NLK: variants seen among roughly 807,000 people sequenced by gnomAD.
The protein encoded by NLK is serine/threonine-protein kinase NLK.
NLK carries 11 observed loss-of-function variants against 59.0 expected under a neutral mutation model. The observed-to-expected ratio is 0.19, with a 90% confidence interval of 0.12 to 0.31. The LOEUF is 0.31. Ranked by LOEUF, NLK falls within the 10% of genes least tolerant of loss-of-function variation. The pLI is 1.00. For synonymous variants in NLK, 235 were observed against 235.9 expected, an observed-to-expected ratio of 1.00 and a Z score of 0.03; for missense variants, 410 against 661.1, an observed-to-expected ratio of 0.62 and a Z score of 4.16.
Position 28,186,197 on chromosome 17 carries a change from G to T in NLK, c.1236+932G>T, listed in dbSNP as rs185721619. On this transcript the variant is annotated intron_variant, in intron 8 of 10. Coordinates refer to ENST00000407008, the MANE Select transcript of NLK (RefSeq NM_016231.5). Reference sequence around the variant, plus strand: ...TTACCAAAGTTATTAAGTTTACATTGGTCCATTTGTAGTGAGAAAGCTGCA... The same window carrying T: ...TTACCAAAGTTATTAAGTTTACATTTGTCCATTTGTAGTGAGAAAGCTGCA... Among the ~76,000 whole-genome samples, 5 of 152,272 alleles carry T rather than the reference G, an allele frequency of 3.3e-5. No individual in the cohort carries two copies. In the East Asian group the frequency reaches 9.6e-4, roughly 29 times the overall value.
rs766423806 is a variant in NLK, at chr17:28,084,454, G to A, written c.459-38149G>A. Among the ~76,000 whole-genome samples, 8 of 152,304 alleles carry A rather than the reference G, an allele frequency of 5.3e-5. No homozygotes were observed. The East Asian group carries it at 1.5e-3, about 29-fold the overall frequency. ...TAGAATCAGGAACAGAAAGAACCCAGCCTCCTAAGTGCCAATCCAAAAAGA... is the reference window on the plus strand; with the variant it reads ...TAGAATCAGGAACAGAAAGAACCCAACCTCCTAAGTGCCAATCCAAAAAGA... On this transcript the variant is annotated intron_variant, in intron 1 of 10. Transcript: ENST00000407008.
At chr17:28,061,910 TAC>T (rs1909668309) in intron 1 of NLK, 1 of 143,278 alleles carries the variant, frequency 7.0e-6, no homozygotes, top group South Asian at 2.1e-4. Flanking sequence ...CATACATATA[TAC>T]ATATATATAC....
At position 28,185,189 on chromosome 17, in the gene NLK, C is replaced by G; in HGVS notation, c.1160C>G (p.Pro387Arg). The G allele has an allele frequency of 6.3e-7, 1 of 1,577,834 alleles. No homozygotes were observed. The highest frequency in any genetic ancestry group is 8.6e-7 in the Non-Finnish European group (1 of 1,160,708). Residue 387 changes from proline (P) to arginine (R), a missense_variant, in exon 8 of 11, where the codon CCT becomes CGT. Around this residue, in one of 5 missense-constraint regions of NLK, gnomAD observed 150 missense variants for 244.3 expected, o/e 0.61. Transcript: ENST00000407008. The stretch of plus-strand genomic sequence containing the variant: ...TTAATTTTTTCACAGCCATCTCTTC[C>G]TGTACTCTATACCCTGTCTAGCCAG... The part of the protein sequence containing the change: ...LRGPHKQPSL[P>R]VLYTLSSQAT...
intron 1 of NLK, among the ~76,000 whole-genome samples, chr17:28,057,517 CTG>C (rs1005110731): frequency 6.6e-6 from 1 of 152,156 alleles, no homozygotes; most frequent in Admixed American, 6.5e-5. Context: ...CCAGTCAAAA[CTG>C]AGCTTCAGGC....
At chr17:28,204,949 C>T in the NLK span, among the ~76,000 whole-genome samples, 1 of 152,220 alleles carries the variant, frequency 6.6e-6, no homozygotes, top group Admixed American at 6.5e-5. Context: ...AATTCCTGGA[C>T]CTGCTGCCAC....
rs143804474 is a variant in NLK at position 28,163,515 on chromosome 17, C to T, written c.752-28C>T. 2.3e-4 allele frequency: 301 copies of T among 1,297,886 alleles called. 1 individual carries two copies. The African/African-American group carries it at 3.2e-3, about 14-fold the overall frequency. 80.4% of individuals were successfully genotyped at this position (1,297,886 alleles called of 1,614,324 possible). Reference sequence around the variant, plus strand: ...TGGTTGAGTAAAAGGAATTAAATATCTGCAATTAAATCTGTTTGTTATTTC... The same window carrying T: ...TGGTTGAGTAAAAGGAATTAAATATTTGCAATTAAATCTGTTTGTTATTTC... On this transcript the variant is annotated intron_variant, in intron 4 of 10. Coordinates refer to ENST00000407008, the MANE Select transcript of NLK (RefSeq NM_016231.5).
At chr17:28,116,284 C>G (rs1042055819) in intron 1 of NLK, 1 of 202,762 alleles carries the variant, frequency 4.9e-6, no homozygotes, top group Non-Finnish European at 1.1e-5. Flanking sequence ...GATGGAAACA[C>G]TGGCAGCACC....
the NLK span, among the ~76,000 whole-genome samples, chr17:28,204,452 C>T: frequency 2.6e-5 from 4 of 152,192 alleles, no homozygotes; most frequent in Non-Finnish European, 5.9e-5. Flanking sequence ...TAGGAATAGA[C>T]TTCTGTCTTC....
At chr17:28,117,208 G>A (rs1905817938) in intron 1 of NLK, among the ~76,000 whole-genome samples, 1 of 152,134 alleles carries the variant, frequency 6.6e-6, no homozygotes, top group South Asian at 2.1e-4. Flanking sequence ...AGCATCTATA[G>A]TATAGATGGA....
In NLK at chr17:28,056,204, C is replaced by G. The variant is rs560840011; in HGVS notation, c.458+12873C>G. The stretch of plus-strand genomic sequence containing the variant: ...TTTTGTATCCTGTTTGTTTCACTAA[C>G]ATTGCAGAATGAGATTTCAGTCATT... On this transcript the variant is annotated intron_variant, in intron 1 of 10. Transcript: ENST00000407008. Among the ~76,000 whole-genome samples the G allele has an allele frequency of 7.2e-5, 11 of 152,304 alleles. No homozygotes were observed. In the South Asian group the frequency reaches 2.1e-3, roughly 29 times the overall value.
intron 2 of NLK, among the ~76,000 whole-genome samples, chr17:28,124,887 A>C (rs192763792): frequency 2.8e-4 from 42 of 152,026 alleles, no homozygotes; most frequent in Non-Finnish European, 4.7e-4. Flanking sequence ...CCATCTCTAC[A>C]AAAAATAAAA....
chr17:28,110,835 TTTTG>T (rs952072352), intron 1 of NLK, among the ~76,000 whole-genome samples: 3 of 152,102 alleles, frequency 2.0e-5, no homozygotes, highest in Admixed American at 6.5e-5. Context: ...TAATTCTTTT[TTTTG>T]TTTGTTTGTT....
chr17:28,056,485 T>TAA (rs542853811), intron 1 of NLK, among the ~76,000 whole-genome samples: 1 of 152,162 alleles, frequency 6.6e-6, no homozygotes, highest in African/African-American at 2.4e-5. Context: ...GAAGTGTTCT[T>TAA]ACAAAAACAA....
chr17:28,061,810 CATAT>C (rs1190555221), intron 1 of NLK, among the ~76,000 whole-genome samples: 1 of 142,252 alleles, frequency 7.0e-6, no homozygotes, highest in Non-Finnish European at 1.5e-5. Flanking sequence ...TATACATATA[CATAT>C]ATAATATATA....
intron 1 of NLK, among the ~76,000 whole-genome samples, chr17:28,061,198 A>C (rs962762771): frequency 2.0e-5 from 3 of 152,202 alleles, no homozygotes; most frequent in Non-Finnish European, 2.9e-5. Context: ...TGAGAGTTGG[A>C]GGTTGATGTA....
At chr17:28,197,707 C>T (rs1008740484), downstream of NLK, among the ~76,000 whole-genome samples, 4 of 151,788 alleles carry the variant, frequency 2.6e-5, no homozygotes, top group East Asian at 7.7e-4. Flanking sequence ...CTTACGATGA[C>T]TCATAAGGCT....
intron 1 of NLK, among the ~76,000 whole-genome samples, chr17:28,107,204 T>G (rs1190018374): frequency 2.0e-5 from 3 of 151,782 alleles, no homozygotes; most frequent in African/African-American, 7.3e-5. Flanking sequence ...GAGGCTGAGG[T>G]GGGTGGATCA....
chr17:28,160,712 T>C (rs1907971847), intron 3 of NLK, among the ~76,000 whole-genome samples: 1 of 152,246 alleles, frequency 6.6e-6, no homozygotes. Flanking sequence ...CCATATTTTA[T>C]AATGTAACAA....
intron 2 of NLK, among the ~76,000 whole-genome samples, chr17:28,126,744 G>A (rs1170233020): frequency 1.3e-5 from 2 of 152,082 alleles, no homozygotes; most frequent in African/African-American, 4.8e-5. Context: ...CATTCACCTT[G>A]ATGAAGTAAC....
Sources: gnomAD v4.1 joint callset for allele counts (sites outside exome capture counted in the v4.1 genomes callset) on GRCh38, gnomAD v4.1.1 for gene constraint, gnomAD v4.1.1 regional missense constraint, MANE v1.5 for transcripts, NCBI Gene and HGNC (gene_info 2026-07-23, HGNC 2026-07-21) for gene names.